The following PTPN13 variants were observed in gnomAD, a reference collection of about 807,000 sequenced individuals.
PTPN13 encodes tyrosine-protein phosphatase non-receptor type 13.
In PTPN13, 191 loss-of-function variants were observed where a neutral mutation model predicts 284.0. The observed-to-expected ratio is 0.67, with a 90% CI of 0.60 to 0.76. The LOEUF is 0.76. Among genes scored for constraint, PTPN13 ranks in the 30% least tolerant of loss-of-function variants. PTPN13 has a pLI of 0.00. For synonymous variants in PTPN13, 986 were observed against 1,022.3 expected (o/e 0.96, Z 0.68); for missense variants, 2,797 against 2,939.9 (o/e 0.95, Z 1.12).
At chr4:86,617,401 AT>A (rs1331297482) in intron 1 of PTPN13, among the ~76,000 whole-genome samples, 2 of 152,114 alleles carry the variant, frequency 1.3e-5, no homozygotes, top group African/African-American at 4.8e-5. Context: ...AGTACTTGGA[AT>A]TTTGAATTTT....
chr4:86,752,933 C>G (rs2149214513), intron 19 of PTPN13, 76 bp from the exon 20 acceptor site: 1 of 1,049,494 alleles, frequency 9.5e-7, no homozygotes, highest in East Asian at 2.5e-5. Context: ...TTTTTATGAG[C>G]TTATCAGAAG....
At chr4:86,762,639 T>C in intron 23 of PTPN13, 88 bp from the exon 24 acceptor site, 1 of 1,054,698 alleles carries the variant, frequency 9.5e-7, no homozygotes. Flanking sequence ...TATAAAATCC[T>C]TCCAACAATC....
At chr4:86,751,543 C>T (rs1352089185) in intron 19 of PTPN13, among the ~76,000 whole-genome samples, 1 of 152,110 alleles carries the variant, frequency 6.6e-6, no homozygotes, top group Non-Finnish European at 1.5e-5. Context: ...TGGTCTTGAA[C>T]TCCTGGACTC....
intron 47 of PTPN13, among the ~76,000 whole-genome samples, chr4:86,812,273 G>GCA (rs1325683002): frequency 7.7e-6 from 1 of 130,654 alleles, no homozygotes; most frequent in Non-Finnish European, 1.5e-5. Context: ...TCCCGCCACT[G>GCA]CACTCCAGCC....
chr4:86,636,126 C>G (rs1722989829), intron 2 of PTPN13, among the ~76,000 whole-genome samples: 1 of 152,038 alleles, frequency 6.6e-6, no homozygotes, highest in Non-Finnish European at 1.5e-5. Flanking sequence ...AAAAGGAAGG[C>G]TCTCCTACAC....
At chr4:86,758,640 G>T (rs375842258) in intron 21 of PTPN13, 38 bp from the exon 22 acceptor site, 2 of 1,527,334 alleles carry the variant, frequency 1.3e-6, no homozygotes, top group Non-Finnish European at 1.8e-6. Context: ...TTTGAAAGCA[G>T]CAATATGAAA....
chr4:86,693,630 G>T lies in PTPN13; in HGVS notation c.590G>T (p.Ser197Ile). 1 of 1,557,470 alleles carries T rather than the reference G, an allele frequency of 6.4e-7. No homozygotes were observed. Among genetic ancestry groups the T allele is most frequent in the East Asian group, 2.4e-5 (1 of 42,548 alleles). Residue 197 changes from serine to isoleucine, a missense_variant, in exon 6 of 48, where the codon AGC (serine) becomes ATC (isoleucine). Coordinates refer to ENST00000411767, the MANE Select transcript of PTPN13 (RefSeq NM_080683.3). ...SCNSEQKPDR[S>I]QAIRDRLRGK... The stretch of plus-strand genomic sequence containing the variant: ...AACAGTGAACAAAAGCCTGATCGAA[G>T]CCAGGCTATTCGAGATCGATTGCGA...
intron 42 of PTPN13, among the ~76,000 whole-genome samples, chr4:86,799,774 G>A (rs1164781417): frequency 6.6e-6 from 1 of 150,436 alleles, no homozygotes; most frequent in African/African-American, 2.4e-5. Flanking sequence ...TACTTTAAGT[G>A]GAAATATGAA....
intron 25 of PTPN13, among the ~76,000 whole-genome samples, chr4:86,764,955 C>G (rs953624064): frequency 4.6e-5 from 7 of 152,120 alleles, no homozygotes; most frequent in Non-Finnish European, 8.8e-5. Context: ...AGATTTAATA[C>G]TTGCTTTATC....
intron 2 of PTPN13, among the ~76,000 whole-genome samples, chr4:86,642,449 C>CTTTTTTTTT (rs1241682151): frequency 3.6e-5 from 1 of 27,454 alleles, no homozygotes; most frequent in African/African-American, 1.3e-4. Context: ...TCTTCTTCTT[C>CTTTTTTTTT]TTTTTTTTTT....
intron 3 of PTPN13, 132 bp from the exon 4 acceptor site, chr4:86,686,578 A>G: frequency 1.5e-6 from 1 of 654,236 alleles, no homozygotes; most frequent in Middle Eastern, 4.4e-4. Flanking sequence ...TTTTATGGAA[A>G]ATATAAAATG....
At chr4:86,775,802 T>C (rs1740567034) in intron 35 of PTPN13, 150 bp downstream of exon 35, 1 of 659,822 alleles carries the variant, frequency 1.5e-6, no homozygotes, top group Non-Finnish European at 2.5e-6. Context: ...GACTTCTTGA[T>C]AGGCGATTTT....
intron 17 of PTPN13, among the ~76,000 whole-genome samples, chr4:86,749,666 T>C (rs923857598): frequency 1.3e-5 from 2 of 152,320 alleles, no homozygotes; most frequent in African/African-American, 4.8e-5. Context: ...TTAGCCTCTA[T>C]AAGAGAACTT....
intron 38 of PTPN13, 106 bp downstream of exon 38, chr4:86,784,664 T>C (rs533353494): frequency 1.5e-6 from 1 of 683,630 alleles, no homozygotes; most frequent in South Asian, 1.9e-5. Flanking sequence ...TTACTGTAGC[T>C]TTAAAGGGAA....
At chr4:86,674,944 T>C (rs1391159493) in intron 3 of PTPN13, among the ~76,000 whole-genome samples, 2 of 152,194 alleles carry the variant, frequency 1.3e-5, no homozygotes, top group Non-Finnish European at 1.5e-5. Context: ...ATAGGTATAG[T>C]ATGTGTGCAT....
chr4:86,694,905 T>C (rs1175024887), intron 6 of PTPN13, among the ~76,000 whole-genome samples: 3 of 151,998 alleles, frequency 2.0e-5, no homozygotes, highest in Non-Finnish European at 4.4e-5. Flanking sequence ...GATTAAAAAG[T>C]TAAGATTTTA....
chr4:86,807,792 C>T lies in PTPN13; in HGVS notation c.6978C>T (p.Ile2326=), dbSNP rs1744811757. The change falls in exon 45 of 48, where the codon ATC becomes ATT. Residue 2326 remains isoleucine, a synonymous_variant. Transcript: ENST00000411767. ...AATGCCAGCGCTATTGGCCCAACAT[C>T]CTAGGCAAAACAACAATGGTCAGCA... ...KIKCQRYWPN[I]LGKTTMVSNR... 1 of 1,614,040 alleles carries T rather than the reference C, an allele frequency of 6.2e-7. No individual in the cohort carries two copies. Among genetic ancestry groups the T allele is most frequent in the Non-Finnish European group, 8.5e-7 (1 of 1,179,898 alleles).
chr4:86,649,121 A>G (rs1287672266), intron 2 of PTPN13, among the ~76,000 whole-genome samples: 2 of 152,084 alleles, frequency 1.3e-5, no homozygotes, highest in Non-Finnish European at 2.9e-5. Context: ...TATTCTGGTT[A>G]TTAATCCATC....
chr4:86,732,410 G>C lies in PTPN13; in HGVS notation c.1619G>C (p.Gly540Ala). 4.4e-6 allele frequency: 7 copies of C among 1,594,430 alleles called. No individual in the cohort carries two copies. Among genetic ancestry groups the C allele is most frequent in the Non-Finnish European group, 6.0e-6 (7 of 1,168,866 alleles). The stretch of plus-strand genomic sequence containing the variant: ...TTATGTGATTTGCAGAATTTCTTTG[G>C]CCCTGAGTTTGTGAAAATGACAATT... ...MTQRKLRNFF[G>A]PEFVKMTIEP... The change falls in exon 11 of 48, where the codon GGC (glycine) becomes GCC (alanine). Residue 540 changes from glycine to alanine, a missense_variant. By Grantham distance (60) the Gly-to-Ala change is moderately conservative. Coordinates refer to ENST00000411767, the MANE Select transcript of PTPN13 (RefSeq NM_080683.3).
Sources: gnomAD v4.1 joint callset for allele counts (sites outside exome capture counted in the v4.1 genomes callset) on GRCh38, gnomAD v4.1.1 for gene constraint, MANE v1.5 for transcripts, NCBI Gene and HGNC (gene_info 2026-07-23, HGNC 2026-07-21) for gene names.